RSRC1: variants seen among roughly 807,000 people sequenced by gnomAD.
The protein encoded by RSRC1 is serine/Arginine-related protein 53.
RSRC1 carries 39 observed loss-of-function variants against 49.1 expected under a neutral mutation model. The observed-to-expected ratio is 0.79, with a 90% confidence interval of 0.61 to 1.04. The LOEUF (loss-of-function observed/expected upper bound fraction) is 1.04, where lower values mean the gene tolerates loss of function less well. Ranked by LOEUF, RSRC1 falls within the 50% of genes least tolerant of loss-of-function variation. RSRC1 has a pLI of 0.00. For synonymous variants in RSRC1, 143 were observed against 130.8 expected, an observed-to-expected ratio of 1.09 and a Z score of -0.63; for missense variants, 388 against 402.4, an observed-to-expected ratio of 0.96 and a Z score of 0.31.
At chr3:158,214,024 A>G (rs1721824319) in intron 4 of RSRC1, among the ~76,000 whole-genome samples, 1 of 146,202 alleles carries the variant, frequency 6.8e-6, no homozygotes, top group Non-Finnish European at 1.5e-5. Context: ...AAAAAACAAT[A>G]AAAATAACAA....
At chr3:158,154,283 G>A (rs149066832) in intron 3 of RSRC1, among the ~76,000 whole-genome samples, 206 of 152,254 alleles carry the variant, frequency 1.4e-3, no homozygotes, top group Non-Finnish European at 1.8e-3. Flanking sequence ...TTTTGCTGGT[G>A]AGGGTCTTGC....
intron 3 of RSRC1, among the ~76,000 whole-genome samples, chr3:158,154,235 T>C (rs989205992): frequency 7.2e-5 from 11 of 152,202 alleles, no homozygotes; most frequent in African/African-American, 2.7e-4. Context: ...TGCTTAAAAA[T>C]GCTAATGATC....
chr3:158,164,104 C>T (rs1422020162), intron 3 of RSRC1, among the ~76,000 whole-genome samples: 2 of 152,094 alleles, frequency 1.3e-5, no homozygotes, highest in African/African-American at 2.4e-5. Flanking sequence ...CTTATAAATT[C>T]TCTGTGAAGA....
chr3:158,228,728 A>T (rs1268678915), intron 4 of RSRC1, among the ~76,000 whole-genome samples: 1 of 151,712 alleles, frequency 6.6e-6, no homozygotes, highest in African/African-American at 2.4e-5. Context: ...AATGAAGTAG[A>T]TAGTGTTCTA....
At chr3:158,524,760 T>C (rs971267953) in intron 7 of RSRC1, among the ~76,000 whole-genome samples, 3 of 151,988 alleles carry the variant, frequency 2.0e-5, no homozygotes, top group African/African-American at 7.2e-5. Flanking sequence ...GATCAATTAA[T>C]TTTCAACAAA....
intron 5 of RSRC1, among the ~76,000 whole-genome samples, chr3:158,345,984 G>A (rs1280505116): frequency 6.6e-6 from 1 of 151,830 alleles, no homozygotes; most frequent in Non-Finnish European, 1.5e-5. Flanking sequence ...AATAAAAAAG[G>A]TTTTCAGTGC....
intron 5 of RSRC1, among the ~76,000 whole-genome samples, chr3:158,345,775 G>A (rs201723203): frequency 5.6e-5 from 8 of 143,320 alleles, no homozygotes; most frequent in Non-Finnish European, 7.6e-5. Context: ...ATGTGTGTGT[G>A]TATATATATA....
chr3:158,413,885 TGG>T (rs1351909070), intron 6 of RSRC1, among the ~76,000 whole-genome samples: 1 of 152,092 alleles, frequency 6.6e-6, no homozygotes, highest in Admixed American at 6.6e-5. Context: ...ACACTGTTGG[TGG>T]GAATGTAAAT....
At chr3:158,246,652 T>A (rs1017324954) in intron 4 of RSRC1, among the ~76,000 whole-genome samples, 1 of 152,156 alleles carries the variant, frequency 6.6e-6, no homozygotes, top group African/African-American at 2.4e-5. Flanking sequence ...TTTAGTTTGG[T>A]CGGATATGAA....
At chr3:158,291,452 C>T (rs892757402) in intron 4 of RSRC1, among the ~76,000 whole-genome samples, 7 of 152,018 alleles carry the variant, frequency 4.6e-5, no homozygotes, top group South Asian at 4.1e-4. Context: ...AGTTTCTGCT[C>T]ATCCCACCAA....
Position 158,122,093 on chromosome 3 carries a change from A to T in RSRC1, c.-2-10A>T, listed in dbSNP as rs768132674. On this transcript the variant is annotated splice_polypyrimidine_tract_variant and intron_variant, in intron 1 of 9. Coordinates refer to ENST00000611884, the MANE Select transcript of RSRC1 (RefSeq NM_001271838.2). ...GTTAGAAATAATATTCTTCAAATTT[A>T]TGCTTATAGAAATGGGACGTCGGTC... is the stretch of plus-strand genomic sequence containing the variant. 2.7e-6 allele frequency: 4 copies of T among 1,464,596 alleles called. No individual in the cohort carries two copies. Among genetic ancestry groups the T allele is most frequent in the Non-Finnish European group, 3.6e-6 (4 of 1,103,692 alleles). 90.7% of individuals were successfully genotyped at this position (1,464,596 alleles called of 1,614,324 possible).
chr3:158,391,774 A>G (rs947105441), intron 6 of RSRC1, among the ~76,000 whole-genome samples: 2 of 152,122 alleles, frequency 1.3e-5, no homozygotes, highest in Non-Finnish European at 2.9e-5. Flanking sequence ...TTGACTCAGT[A>G]AAAATATATT....
At chr3:158,431,271 C>CAAA (rs138074160) in intron 6 of RSRC1, among the ~76,000 whole-genome samples, 1 of 150,844 alleles carries the variant, frequency 6.6e-6, no homozygotes. Flanking sequence ...TAAATCTCCA[C>CAAA]AAAATTAGAT....
intron 6 of RSRC1, among the ~76,000 whole-genome samples, chr3:158,422,995 G>C (rs1185543011): frequency 6.6e-6 from 1 of 152,096 alleles, no homozygotes; most frequent in Non-Finnish European, 1.5e-5. Context: ...CAGATGAGTA[G>C]GTTGCAAAAA....
chr3:158,141,380 AT>A (rs1256827768), intron 3 of RSRC1, among the ~76,000 whole-genome samples: 3 of 152,090 alleles, frequency 2.0e-5, no homozygotes, highest in Admixed American at 2.0e-4. Context: ...AATTTCATAT[AT>A]TTACATGCAT....
chr3:158,446,165 T>TAA (rs1408844102), intron 6 of RSRC1, among the ~76,000 whole-genome samples: 1 of 152,112 alleles, frequency 6.6e-6, no homozygotes, highest in Non-Finnish European at 1.5e-5. Flanking sequence ...GCAGAGTTGA[T>TAA]AAATACCATA....
intron 5 of RSRC1, among the ~76,000 whole-genome samples, chr3:158,334,892 G>T (rs1010564845): frequency 6.6e-6 from 1 of 152,036 alleles, no homozygotes; most frequent in African/African-American, 2.4e-5. Context: ...TTGTGATTTG[G>T]TCTGTTGTTT....
chr3:158,492,871 C>G (rs1160932475), intron 7 of RSRC1, among the ~76,000 whole-genome samples: 1 of 152,174 alleles, frequency 6.6e-6, no homozygotes, highest in African/African-American at 2.4e-5. Context: ...GCAACACACA[C>G]AGACAACCTT....
At chr3:158,495,962 G>A (rs1005125346) in intron 7 of RSRC1, among the ~76,000 whole-genome samples, 1 of 152,164 alleles carries the variant, frequency 6.6e-6, no homozygotes, top group South Asian at 2.1e-4. Flanking sequence ...AATATAATGT[G>A]AAATATAATT....
Sources: gnomAD v4.1 joint callset for allele counts (sites outside exome capture counted in the v4.1 genomes callset) on GRCh38, gnomAD v4.1.1 for gene constraint, MANE v1.5 for transcripts, NCBI Gene and HGNC (gene_info 2026-07-23, HGNC 2026-07-21) for gene names.